The following ARID1B variants were observed in gnomAD, a reference collection of about 807,000 sequenced individuals.
ARID1B encodes the protein AT-rich interactive domain-containing protein 1B.
ARID1B carries 30 observed loss-of-function variants against 212.3 expected under a neutral mutation model. The observed-to-expected ratio is 0.14, with a 90% CI of 0.11 to 0.19. ARID1B has a LOEUF of 0.19. ARID1B is among the 10% of genes least tolerant of loss of function. The pLI is 1.00. For synonymous variants in ARID1B, 1,402 were observed against 1,301.7 expected, an observed-to-expected ratio of 1.08 and a Z score of -1.66; for missense variants, 2,891 against 3,204.0, an observed-to-expected ratio of 0.90 and a Z score of 2.36.
At chr6:156,978,066 CACACA>C (rs1777372333) in intron 4 of ARID1B, among the ~76,000 whole-genome samples, 1 of 152,240 alleles carries the variant, frequency 6.6e-6, no homozygotes. Flanking sequence ...GGTTTCTTCA[CACACA>C]CAGGCTGAAC....
intron 2 of ARID1B, among the ~76,000 whole-genome samples, chr6:156,861,788 C>G (rs1037625703): frequency 2.6e-5 from 4 of 152,208 alleles, no homozygotes; most frequent in African/African-American, 9.6e-5. Flanking sequence ...AGTCTGTACT[C>G]TAGAAGGCTC....
rs764671385 is a variant in ARID1B at position 157,206,815 on chromosome 6, G to A, written c.6043G>A (p.Ala2015Thr). 22 of 1,613,892 alleles carry A rather than the reference G, an allele frequency of 1.4e-5. No individual in the cohort carries two copies. The highest frequency in any genetic ancestry group is 2.2e-5 in the East Asian group (1 of 44,896). The part of the protein sequence containing the change: ...SARPGALPED[A>T]NPGPQTESSK... ...TCGGCCAGGGGCATTGCCTGAAGAC[G>A]CAAACCCTGGGCCCCAGACCGAAAG... The change falls in exon 20 of 20, where the codon GCA becomes ACA. Residue 2015 changes from alanine to threonine, a missense_variant. Physicochemically the swap from Ala to Thr is moderately conservative, Grantham distance 58. Around this residue, in one of 7 missense-constraint regions of ARID1B, gnomAD observed 332 missense variants for 369.2 expected, o/e 0.90. Transcript: ENST00000636930. This position sits in a 1 kb window ranked among gnomAD's most constrained non-coding sequence, Gnocchi z 6.8.
chr6:157,060,587 C>T (rs1372572646), intron 4 of ARID1B, among the ~76,000 whole-genome samples: 1 of 128,290 alleles, frequency 7.8e-6, no homozygotes, highest in African/African-American at 3.0e-5. Flanking sequence ...TAGATTTAAA[C>T]TTATTTTGAA....
At chr6:156,970,372 CT>C (rs1776845625) in intron 4 of ARID1B, among the ~76,000 whole-genome samples, 1 of 152,138 alleles carries the variant, frequency 6.6e-6, no homozygotes, top group South Asian at 2.1e-4. Context: ...CATGAGCCAC[CT>C]TGCCCAGCCA....
At chr6:156,800,946 G>A (rs1780739939) in intron 1 of ARID1B, among the ~76,000 whole-genome samples, 1 of 152,146 alleles carries the variant, frequency 6.6e-6, no homozygotes, top group Non-Finnish European at 1.5e-5. Context: ...AGTGGCATTA[G>A]CCACATTGTA....
At chr6:156,895,272 A>G (rs1788290454) in intron 2 of ARID1B, among the ~76,000 whole-genome samples, 1 of 152,246 alleles carries the variant, frequency 6.6e-6, no homozygotes, top group African/African-American at 2.4e-5. Context: ...ATGCTGGCAT[A>G]AAGTTCTGTC....
At chr6:156,935,139 G>A (rs1472740557) in intron 3 of ARID1B, among the ~76,000 whole-genome samples, 2 of 151,656 alleles carry the variant, frequency 1.3e-5, no homozygotes, top group Middle Eastern at 6.3e-3. Flanking sequence ...TGTCACCCAG[G>A]CTGGAGTGCA....
intron 7 of ARID1B, among the ~76,000 whole-genome samples, chr6:157,134,127 A>G (rs898794495): frequency 1.3e-5 from 2 of 152,178 alleles, no homozygotes; most frequent in Non-Finnish European, 2.9e-5. Context: ...ACTGTAGTAA[A>G]ATGTTTACCA....
chr6:157,095,323 G>A (rs999396384), intron 5 of ARID1B, among the ~76,000 whole-genome samples: 4 of 152,172 alleles, frequency 2.6e-5, no homozygotes, highest in African/African-American at 2.4e-5. Flanking sequence ...TGAGCTAATC[G>A]GTCTGACACG....
chr6:157,048,087 G>GCCCTCCTCCTT (rs1026063538), intron 4 of ARID1B, among the ~76,000 whole-genome samples: 1 of 152,160 alleles, frequency 6.6e-6, no homozygotes, highest in Non-Finnish European at 1.5e-5. Flanking sequence ...GATGGTGAAA[G>GCCCTCCTCCTT]CCCTCCTCCT....
chr6:156,894,287 G>A (rs1292403052), intron 2 of ARID1B, among the ~76,000 whole-genome samples: 4 of 103,684 alleles, frequency 3.9e-5, no homozygotes, highest in South Asian at 5.5e-4. Flanking sequence ...GATGGGGGCC[G>A]GGGGGTTGGG....
rs1271924363 is a variant in ARID1B at position 156,777,535 on chromosome 6, G to C, written c.-146G>C. ...CCAGAGCGTAAGGCGTGCCCGGCCC[G>C]GCGCTCCGGCGGGGCCTGCGGAGGG... On this transcript the variant is annotated 5_prime_UTR_variant, in exon 1 of 20. Transcript: ENST00000636930. The C allele has an allele frequency of 1.3e-5, 2 of 151,430 alleles. No individual in the cohort carries two copies. Among genetic ancestry groups the C allele is most frequent in the Non-Finnish European group, 2.9e-5 (2 of 67,910 alleles). The allele number at this position is 151,430 out of a possible 1,614,324, so 9.4% of individuals were successfully genotyped here. A position where few individuals can be genotyped will look rare whatever the true frequency, so the allele number is the denominator to read the frequency against.
chr6:156,894,987 C>G (rs1402922575), intron 2 of ARID1B, among the ~76,000 whole-genome samples: 1 of 152,162 alleles, frequency 6.6e-6, no homozygotes, highest in Non-Finnish European at 1.5e-5. Context: ...ATGAACTGAA[C>G]TAGCAAGGGC....
chr6:156,907,909 A>AAT (rs1789541310), intron 3 of ARID1B, among the ~76,000 whole-genome samples: 1 of 123,772 alleles, frequency 8.1e-6, no homozygotes, highest in Non-Finnish European at 1.7e-5. Flanking sequence ...CTGTCTCAAA[A>AAT]AAAAAAAAAA....
chr6:157,050,586 A>T (rs1043706061), intron 4 of ARID1B, among the ~76,000 whole-genome samples: 4 of 152,160 alleles, frequency 2.6e-5, no homozygotes, highest in Non-Finnish European at 5.9e-5. Flanking sequence ...TAATTTGGGA[A>T]GAAGAAATCC....
At chr6:157,142,352 A>G (rs1789420261) in intron 7 of ARID1B, among the ~76,000 whole-genome samples, 8 of 152,214 alleles carry the variant, frequency 5.3e-5, no homozygotes. Flanking sequence ...AAAGCCGGGC[A>G]CATTGGCTCA....
At chr6:156,958,321 A>C (rs977927323) in intron 4 of ARID1B, among the ~76,000 whole-genome samples, 2 of 152,254 alleles carry the variant, frequency 1.3e-5, no homozygotes, top group Non-Finnish European at 2.9e-5. Context: ...GGAATGAGTA[A>C]TACTGATTTC....
Position 157,191,844 on chromosome 6 carries a change from T to C in ARID1B, c.4231+1634T>C, listed in dbSNP as rs553309899. Among the ~76,000 whole-genome samples, 6 of 152,308 alleles carry C rather than the reference T, an allele frequency of 3.9e-5. No individual in the cohort carries two copies. The East Asian group carries it at 1.2e-3, about 29-fold the overall frequency. On this transcript the variant is annotated intron_variant, in intron 15 of 19. Transcript: ENST00000636930. ...ATCCCTTAAATAATAGTACCTGTGT[T>C]GGGGTACATAAATTTCTTGATAATA...
At chr6:157,111,540 A>G (rs1443968885) in intron 6 of ARID1B, among the ~76,000 whole-genome samples, 2 of 152,160 alleles carry the variant, frequency 1.3e-5, no homozygotes, top group Non-Finnish European at 2.9e-5. Context: ...TTGGCAGCTA[A>G]TATGTACTGG....
Sources: allele counts gnomAD v4.1 joint callset (sites outside exome capture counted in the v4.1 genomes callset), GRCh38; gene constraint gnomAD v4.1.1; regional missense constraint gnomAD v4.1.1; non-coding constraint Gnocchi (gnomAD v3.1); transcripts MANE v1.5; gene names NCBI Gene and HGNC (gene_info 2026-07-23, HGNC 2026-07-21).